The following FCRL6 variants were observed in gnomAD, a reference collection of about 807,000 sequenced individuals.
FCRL6 encodes Fc receptor like 6.
FCRL6 carries 50 observed loss-of-function variants against 49.1 expected under a neutral mutation model. That is an observed-to-expected ratio of 1.02 (90% CI 0.81 to 1.29). The LOEUF is 1.29. FCRL6 is among the 50% of genes most tolerant of loss of function. FCRL6 has a pLI of 0.00. For synonymous variants in FCRL6, 213 were observed against 199.6 expected, an observed-to-expected ratio of 1.07 and a Z score of -0.57; for missense variants, 571 against 518.5, an observed-to-expected ratio of 1.10 and a Z score of -0.98.
chr1:159,813,432 C>T (rs750442148), intron 6 of FCRL6, 57 bp from the exon 7 acceptor site: 16 of 1,478,832 alleles, frequency 1.1e-5, no homozygotes, highest in African/African-American at 4.2e-5. Context: ...TTTCCTGTCC[C>T]CTGTCCCACC....
At position 159,809,654 on chromosome 1, in the gene FCRL6, GGAGT is replaced by G; in HGVS notation, c.861_864del (p.Glu288ProfsTer6). 3 of 1,614,166 alleles carry G rather than the reference GGAGT, an allele frequency of 1.9e-6. No homozygotes were observed. Among genetic ancestry groups the G allele is most frequent in the Non-Finnish European group, 2.5e-6 (3 of 1,180,020 alleles). ...GCTGAGAACAGTGTCTCCAGAGAGA[GGAGT>G]GAGCCCAAGAAGCTGTCTCTGAAGG... is the stretch of plus-strand genomic sequence containing the variant. On this transcript the variant is annotated frameshift_variant, in exon 5 of 10. Transcript: ENST00000368106. LOFTEE classifies it high-confidence loss of function.
In FCRL6 at chr1:159,815,513, A is replaced by T. The variant is rs114389447; in HGVS notation, c.1180-23A>T. Reference sequence around the variant, plus strand: ...CCCTCTCTCTTACATTTGCTTCCTCATCCTGAGCCAACTCTTCCACAGGAC... The same window carrying T: ...CCCTCTCTCTTACATTTGCTTCCTCTTCCTGAGCCAACTCTTCCACAGGAC... On this transcript the variant is annotated intron_variant, in intron 9 of 9. Coordinates refer to ENST00000368106, the MANE Select transcript of FCRL6 (RefSeq NM_001004310.3). 2.0e-3 allele frequency: 3,198 copies of T among 1,614,122 alleles called. 51 individuals are homozygous for T. In the African/African-American group the frequency reaches 0.038, roughly 19 times the overall value.
chr1:159,801,866 A>T (rs1246611732), upstream of FCRL6, among the ~76,000 whole-genome samples: 1 of 152,052 alleles, frequency 6.6e-6, no homozygotes, highest in Non-Finnish European at 1.5e-5. Flanking sequence ...TCGATGTCTG[A>T]TTCCCTCCTG....
At chr1:159,808,770 A>G in intron 3 of FCRL6, 191 bp from the exon 4 acceptor site, 1 of 634,662 alleles carries the variant, frequency 1.6e-6, no homozygotes, top group Non-Finnish European at 2.7e-6. Context: ...AAGATTCCAG[A>G]AGGGCCTGGC....
At chr1:159,806,862 T>A (rs1662726539) in intron 2 of FCRL6, among the ~76,000 whole-genome samples, 1 of 152,214 alleles carries the variant, frequency 6.6e-6, no homozygotes, top group Non-Finnish European at 1.5e-5. Flanking sequence ...GCCTCTATCT[T>A]ATACCCTTAA....
intron 2 of FCRL6, 93 bp from the exon 3 acceptor site, chr1:159,808,085 C>T: frequency 6.9e-7 from 1 of 1,440,042 alleles, no homozygotes; most frequent in Non-Finnish European, 9.5e-7. Flanking sequence ...GGGCCTCCAT[C>T]CCCAGCAGGA....
At chr1:159,804,254 G>A (rs568882719) in intron 1 of FCRL6, among the ~76,000 whole-genome samples, 163 of 152,224 alleles carry the variant, frequency 1.1e-3, no homozygotes, top group Middle Eastern at 3.4e-3. Context: ...ATGTTGAGCC[G>A]AAATCTGCCT....
At chr1:159,808,653 G>A in intron 3 of FCRL6, 2 of 640,258 alleles carry the variant, frequency 3.1e-6, no homozygotes, top group Non-Finnish European at 5.4e-6. Context: ...GAAGGAGGGG[G>A]GAGATTCTTG....
Position 159,808,823 on chromosome 1 carries a change from A to G in FCRL6, c.320-138A>G, listed in dbSNP as rs1171043101. The G allele has an allele frequency of 2.6e-5, 21 of 818,288 alleles. 1 individual carries two copies. The Admixed American group carries it at 6.1e-4, about 24-fold the overall frequency. The allele number at this position is 818,288 out of a possible 1,614,324, so 50.7% of individuals were successfully genotyped here. A position where few individuals can be genotyped will look rare whatever the true frequency, so the allele number is the denominator to read the frequency against. On this transcript the variant is annotated intron_variant, in intron 3 of 9. Coordinates refer to ENST00000368106, the MANE Select transcript of FCRL6 (RefSeq NM_001004310.3). Reference sequence around the variant, plus strand: ...AGAGTTTGTGGGTGAGGGTAAGAGGACGGGTCCTAGGGATGAAACTGCCTC... The same window carrying G: ...AGAGTTTGTGGGTGAGGGTAAGAGGGCGGGTCCTAGGGATGAAACTGCCTC...
chr1:159,806,663 C>T, intron 2 of FCRL6, 47 bp downstream of exon 2: 2 of 1,596,834 alleles, frequency 1.3e-6, no homozygotes. Context: ...GTCTATGGGC[C>T]AAAACTTACT....
chr1:159,810,903 T>C (rs1663053465), intron 6 of FCRL6, among the ~76,000 whole-genome samples: 1 of 152,230 alleles, frequency 6.6e-6, no homozygotes, highest in Non-Finnish European at 1.5e-5. Context: ...ATTTATCTAA[T>C]ACCTCATGTA....
intron 1 of FCRL6, among the ~76,000 whole-genome samples, chr1:159,804,600 C>A (rs1222331941): frequency 6.6e-6 from 1 of 152,244 alleles, no homozygotes; most frequent in Non-Finnish European, 1.5e-5. Context: ...GGTGTCACCC[C>A]CTGTGTATGT....
rs1042112147 is a variant in FCRL6 at position 159,809,005 on chromosome 1, C to A, written c.364C>A (p.Pro122Thr). The A allele has an allele frequency of 1.2e-6, 2 of 1,613,640 alleles. No individual in the cohort carries two copies. The highest frequency in any genetic ancestry group is 1.7e-6 in the Non-Finnish European group (2 of 1,179,766). The change falls in exon 4 of 10, where the codon CCC (proline) becomes ACC (threonine). Residue 122 changes from proline to threonine, a missense_variant. By Grantham distance (38) the Pro-to-Thr change is conservative. Transcript: ENST00000368106. ...PVLSAIPSPE[P>T]REGSLVTLRC... ...GCTGAGTGCCATCCCCTCTCCTGAGCCCCGAGAGGGTAGCCTGGTGACCCT... is the reference window on the plus strand; with the variant it reads ...GCTGAGTGCCATCCCCTCTCCTGAGACCCGAGAGGGTAGCCTGGTGACCCT...
intron 8 of FCRL6, 30 bp from the exon 9 acceptor site, chr1:159,815,398 A>G (rs1252195819): frequency 1.9e-6 from 3 of 1,610,352 alleles, no homozygotes; most frequent in Admixed American, 3.3e-5. Flanking sequence ...GAGCACAGAG[A>G]CCTGACCTGA....
At chr1:159,805,161 G>A (rs1662596889) in intron 1 of FCRL6, among the ~76,000 whole-genome samples, 1 of 152,102 alleles carries the variant, frequency 6.6e-6, no homozygotes, top group Non-Finnish European at 1.5e-5. Context: ...GGTGGAGATG[G>A]AGGGATGATA....
rs569280957 is a variant in FCRL6, at chr1:159,806,487, G to A, written c.32-109G>A. 2.0e-5 allele frequency: 19 copies of A among 936,452 alleles called. 1 individual carries two copies. Among genetic ancestry groups the A allele is most frequent in the East Asian group, 9.6e-5 (4 of 41,774 alleles). 58.0% of individuals were successfully genotyped at this position (936,452 alleles called of 1,614,324 possible). On this transcript the variant is annotated intron_variant, in intron 1 of 9. Transcript: ENST00000368106. ...TGGGTGGCTAGGAGGTTTGGTGGCC[G>A]GGTGGTTGGTTGAATGGGTGTAAGT...
chr1:159,808,261 C>G lies in FCRL6; in HGVS notation c.136C>G (p.Pro46Ala), dbSNP rs1298620702. The change falls in exon 3 of 10, where the codon CCA (proline) becomes GCA (alanine). Residue 46 changes from proline (P) to alanine (A), a missense_variant. Coordinates refer to ENST00000368106, the MANE Select transcript of FCRL6 (RefSeq NM_001004310.3). ...GCGATGTCAGGGATGGAAGAATACACCACTGTCTCAGGTGAAGTTCTACAG... is the reference window on the plus strand; with the variant it reads ...GCGATGTCAGGGATGGAAGAATACAGCACTGTCTCAGGTGAAGTTCTACAG... ...TLRCQGWKNT[P>A]LSQVKFYRDG... is the part of the protein sequence containing the mutation. 1.3e-5 allele frequency: 21 copies of G among 1,613,510 alleles called. No individual in the cohort carries two copies. Among genetic ancestry groups the G allele is most frequent in the Non-Finnish European group, 1.6e-5 (19 of 1,179,496 alleles).
In FCRL6 at chr1:159,810,116, C is replaced by T. The variant is rs754025240; in HGVS notation, c.909C>T (p.Pro303=). Residue 303 remains proline, a synonymous_variant, in exon 6 of 10, where the codon CCC becomes CCT. Transcript: ENST00000368106. ...CAGGTTCTCAAGTCTTGTTCACTCCCGCCAGCAACTGGCTGGTTCCTTGGC... is the reference window on the plus strand; with the variant it reads ...CAGGTTCTCAAGTCTTGTTCACTCCTGCCAGCAACTGGCTGGTTCCTTGGC... ...SLKGSQVLFT[P]ASNWLVPWLP... is the part of the protein sequence containing the mutation. 1.2e-5 allele frequency: 19 copies of T among 1,613,488 alleles called. No individual in the cohort carries two copies. Among genetic ancestry groups the T allele is most frequent in the Middle Eastern group, 1.6e-4 (1 of 6,080 alleles).
At chr1:159,810,888 A>G (rs1264729416) in intron 6 of FCRL6, among the ~76,000 whole-genome samples, 1 of 152,208 alleles carries the variant, frequency 6.6e-6, no homozygotes, top group Non-Finnish European at 1.5e-5. Context: ...AGTTAATGAG[A>G]TAACATTTAT....
Sources: gnomAD v4.1 joint callset for allele counts (sites outside exome capture counted in the v4.1 genomes callset) on GRCh38, gnomAD v4.1.1 for gene constraint, MANE v1.5 for transcripts, NCBI Gene and HGNC (gene_info 2026-07-23, HGNC 2026-07-21) for gene names.